The following HS3ST5 variants were observed in gnomAD, a reference collection of about 807,000 sequenced individuals.
HS3ST5 encodes the protein heparan sulfate glucosamine 3-O-sulfotransferase 5.
HS3ST5 carries 10 observed loss-of-function variants against 25.4 expected under a neutral mutation model. That is an observed-to-expected ratio of 0.39 (90% CI 0.24 to 0.67). The LOEUF is 0.67. Among genes scored for constraint, HS3ST5 ranks in the 30% least tolerant of loss-of-function variants. The pLI, the probability that HS3ST5 is intolerant of heterozygous loss-of-function variation, is 0.44. For synonymous variants in HS3ST5, 170 were observed against 162.4 expected, an observed-to-expected ratio of 1.05 and a Z score of -0.36; for missense variants, 324 against 420.7, an observed-to-expected ratio of 0.77 and a Z score of 2.01.
intron 3 of HS3ST5, among the ~76,000 whole-genome samples, chr6:114,105,757 G>A (rs767068329): frequency 8.6e-5 from 13 of 151,960 alleles, no homozygotes; most frequent in African/African-American, 2.2e-4. Context: ...GTCAATAAAC[G>A]TTTCTACATA....
intron 1 of HS3ST5, among the ~76,000 whole-genome samples, chr6:114,313,019 G>C (rs1775595489): frequency 1.3e-5 from 1 of 75,938 alleles, no homozygotes; most frequent in African/African-American, 5.9e-5. Flanking sequence ...AAGAGACCCT[G>C]CATCAGAAAA....
chr6:114,150,108 A>G (rs1053955868), intron 3 of HS3ST5, among the ~76,000 whole-genome samples: 1 of 152,350 alleles, frequency 6.6e-6, no homozygotes, highest in East Asian at 1.9e-4. Context: ...CTTGATGACC[A>G]TTAAATATTC....
intron 1 of HS3ST5, among the ~76,000 whole-genome samples, chr6:114,259,095 T>G (rs1191772940): frequency 6.6e-6 from 1 of 152,218 alleles, no homozygotes; most frequent in Admixed American, 6.5e-5. Context: ...ATTGTTGTTA[T>G]TGATTTGTAC....
At chr6:114,186,265 C>T (rs2114264488) in intron 2 of HS3ST5, among the ~76,000 whole-genome samples, 1 of 152,214 alleles carries the variant, frequency 6.6e-6, no homozygotes, top group Admixed American at 6.5e-5. Flanking sequence ...GAGAGGTCAA[C>T]AACTAGGCCT....
intron 3 of HS3ST5, among the ~76,000 whole-genome samples, chr6:114,087,722 G>A (rs2114784014): frequency 6.6e-6 from 1 of 152,242 alleles, no homozygotes; most frequent in South Asian, 2.1e-4. Context: ...TAGCCTCAAT[G>A]TTTCTCCCAA....
chr6:114,283,496 A>G (rs1774211739), intron 1 of HS3ST5, among the ~76,000 whole-genome samples: 1 of 151,898 alleles, frequency 6.6e-6, no homozygotes, highest in African/African-American at 2.4e-5. Context: ...TATTTTTGCT[A>G]TTATTATTTT....
chr6:114,320,580 T>C (rs755384416), intron 1 of HS3ST5, among the ~76,000 whole-genome samples: 31 of 152,108 alleles, frequency 2.0e-4, no homozygotes, highest in Non-Finnish European at 3.4e-4. Context: ...TTGTCCCTCA[T>C]TGATATGTCT....
chr6:114,316,697 GT>G (rs1775761541), intron 1 of HS3ST5, among the ~76,000 whole-genome samples: 1 of 152,154 alleles, frequency 6.6e-6, no homozygotes, highest in Non-Finnish European at 1.5e-5. Context: ...TTACTTTTAT[GT>G]TCTACAGTTA....
chr6:114,096,023 C>T (rs1037121847), intron 3 of HS3ST5, among the ~76,000 whole-genome samples: 2 of 152,098 alleles, frequency 1.3e-5, no homozygotes, highest in African/African-American at 4.8e-5. Flanking sequence ...ACATTCTTTT[C>T]CAGCATTTGT....
intron 1 of HS3ST5, among the ~76,000 whole-genome samples, chr6:114,335,541 C>A (rs1776574291): frequency 6.6e-6 from 1 of 152,100 alleles, no homozygotes; most frequent in South Asian, 2.1e-4. Context: ...CATTCTTTTC[C>A]ATTTACTACA....
chr6:114,317,169 A>C (rs1403663554), intron 1 of HS3ST5, among the ~76,000 whole-genome samples: 1 of 152,222 alleles, frequency 6.6e-6, no homozygotes, highest in African/African-American at 2.4e-5. Flanking sequence ...AAAATATCAA[A>C]TGTGGAATTT....
chr6:114,079,292 G>A (rs1478671698), intron 3 of HS3ST5, among the ~76,000 whole-genome samples: 1 of 152,186 alleles, frequency 6.6e-6, no homozygotes, highest in Non-Finnish European at 1.5e-5. Context: ...CAAAATTGGA[G>A]TGTGTCCTCT....
chr6:114,300,286 A>G (rs1775017353), intron 1 of HS3ST5, among the ~76,000 whole-genome samples: 1 of 152,210 alleles, frequency 6.6e-6, no homozygotes, highest in African/African-American at 2.4e-5. Flanking sequence ...TGTATATATA[A>G]CATATAAAGA....
At chr6:114,119,473 C>T (rs1776679252) in intron 3 of HS3ST5, among the ~76,000 whole-genome samples, 1 of 152,090 alleles carries the variant, frequency 6.6e-6, no homozygotes, top group African/African-American at 2.4e-5. Flanking sequence ...TAAACTGCCT[C>T]AATAAGGAAG....
chr6:114,173,147 G>T (rs1779547154), intron 2 of HS3ST5, among the ~76,000 whole-genome samples: 1 of 152,084 alleles, frequency 6.6e-6, no homozygotes, highest in Non-Finnish European at 1.5e-5. Context: ...TGATATATTA[G>T]TACATGTCTG....
At chr6:114,262,646 G>A (rs1406057330) in intron 1 of HS3ST5, among the ~76,000 whole-genome samples, 1 of 151,078 alleles carries the variant, frequency 6.6e-6, no homozygotes, top group Non-Finnish European at 1.5e-5. Context: ...TTAGAATATT[G>A]CAAATATATT....
intron 1 of HS3ST5, among the ~76,000 whole-genome samples, chr6:114,279,143 A>AT (rs1254862670): frequency 2.6e-5 from 4 of 152,002 alleles, no homozygotes; most frequent in Non-Finnish European, 5.9e-5. Flanking sequence ...CCAAGTTCGT[A>AT]TTTTTTAAAA....
chr6:114,233,059 C>CT (rs11285295), intron 1 of HS3ST5, among the ~76,000 whole-genome samples: 26 of 144,224 alleles, frequency 1.8e-4, no homozygotes, highest in South Asian at 4.4e-4. Context: ...GACAGACACT[C>CT]TTTTTTTTTT....
intron 2 of HS3ST5, among the ~76,000 whole-genome samples, chr6:114,188,435 G>A (rs1780338072): frequency 6.6e-6 from 1 of 152,136 alleles, no homozygotes; most frequent in Non-Finnish European, 1.5e-5. Context: ...TCTAAGCAAG[G>A]TTTTAAAAAC....
Sources: allele counts gnomAD v4.1 joint callset (sites outside exome capture counted in the v4.1 genomes callset), GRCh38; gene constraint gnomAD v4.1.1; transcripts MANE v1.5; gene names NCBI Gene and HGNC (gene_info 2026-07-23, HGNC 2026-07-21).